SYTL2: variants seen among roughly 807,000 people sequenced by gnomAD.
SYTL2 encodes the protein synaptotagmin-like protein 2.
SYTL2 carries 165 observed loss-of-function variants against 198.7 expected under a neutral mutation model. The observed-to-expected ratio is 0.83, with a 90% confidence interval of 0.73 to 0.94. The LOEUF (loss-of-function observed/expected upper bound fraction) is 0.94. SYTL2 is among the 40% of genes least tolerant of loss of function. The probability of loss-of-function intolerance (pLI) is 0.00; values close to 1 mark genes in which losing one functional copy is unlikely to be tolerated. For missense variants in SYTL2, 2,835 were observed against 2,582.8 expected, an observed-to-expected ratio of 1.10 and a Z score of -2.12; for synonymous variants, 966 against 917.7, an observed-to-expected ratio of 1.05 and a Z score of -0.95.
chr11:85,811,276 C>G (rs577549465), upstream of SYTL2: 1 of 151,576 alleles, frequency 6.6e-6, no homozygotes, highest in Non-Finnish European at 1.5e-5. Context: ...CCGGCCTCCT[C>G]GCCCGGCACA....
intron 2 of SYTL2, among the ~76,000 whole-genome samples, chr11:85,757,085 TG>T (rs1227663880): frequency 6.6e-6 from 1 of 152,164 alleles, no homozygotes; most frequent in Admixed American, 6.5e-5. Flanking sequence ...ACAAGAATAG[TG>T]TATCAAAGTT....
intron 2 of SYTL2, among the ~76,000 whole-genome samples, chr11:85,753,080 G>C (rs2091643161): frequency 6.6e-6 from 1 of 151,476 alleles, no homozygotes; most frequent in Non-Finnish European, 1.5e-5. Flanking sequence ...TGCAGTGCTG[G>C]TGGTGGTGTA....
intron 4 of SYTL2, among the ~76,000 whole-genome samples, chr11:85,740,245 C>G (rs1020112030): frequency 2.1e-4 from 32 of 152,164 alleles, no homozygotes; most frequent in African/African-American, 7.2e-4. Context: ...GGTCAATCTA[C>G]TTACTGCCCC....
the SYTL2 span, among the ~76,000 whole-genome samples, chr11:85,846,673 C>T: frequency 6.8e-6 from 1 of 147,926 alleles, no homozygotes; most frequent in African/African-American, 2.5e-5. Flanking sequence ...GTGATCCACG[C>T]ACCTCAGCCT....
chr11:85,754,912 G>A (rs146327479), intron 2 of SYTL2, among the ~76,000 whole-genome samples: 1 of 152,160 alleles, frequency 6.6e-6, no homozygotes, highest in South Asian at 2.1e-4. Context: ...ACCGGCCCAA[G>A]AGATTTCTCA....
At chr11:85,833,039 G>A in the SYTL2 span, among the ~76,000 whole-genome samples, 1 of 20,872 alleles carries the variant, frequency 4.8e-5, no homozygotes, top group Non-Finnish European at 9.0e-5. Flanking sequence ...AAGAAAGAAA[G>A]AAAGAAAGAA....
At chr11:85,838,483 T>G in the SYTL2 span, among the ~76,000 whole-genome samples, 5 of 152,172 alleles carry the variant, frequency 3.3e-5, no homozygotes, top group Non-Finnish European at 4.4e-5. Flanking sequence ...GCTGCAGGCC[T>G]TACAGGAATC....
intron 1 of SYTL2, among the ~76,000 whole-genome samples, chr11:85,806,563 A>G (rs2092961492): frequency 6.6e-6 from 1 of 152,214 alleles, no homozygotes; most frequent in South Asian, 2.1e-4. Context: ...GAGGTTATAG[A>G]TTAATAATAA....
At chr11:85,813,438 A>G (rs2093057541), upstream of SYTL2, among the ~76,000 whole-genome samples, 2 of 152,206 alleles carry the variant, frequency 1.3e-5, no homozygotes, top group African/African-American at 4.8e-5. Flanking sequence ...TAACACGATC[A>G]TATCAAGTCA....
rs61736736 is a variant in SYTL2 at position 85,727,889 on chromosome 11, G to T, written c.1469C>A (p.Pro490His). ...GSSRDRQQGKPPPLPALKAKT... is the reference protein window; with the variant it reads ...GSSRDRQQGKHPPLPALKAKT... ...AGCTTTTAGAGCCGGGAGAGGAGGG[G>T]GCTTACCTTGCTGACGGTCTCTAGA... The change falls in exon 8 of 20, where the codon CCC becomes CAC. Residue 490 changes from proline to histidine, a missense_variant. Pro to His is a moderately conservative substitution (Grantham distance 77). This residue lies in a region of SYTL2 where 2,645 missense variants were observed against 2,381.7 expected (regional missense o/e 1.11). Transcript: ENST00000359152. The T allele has an allele frequency of 6.2e-7, 1 of 1,613,628 alleles. No homozygotes were observed. Among genetic ancestry groups the T allele is most frequent in the Non-Finnish European group, 8.5e-7 (1 of 1,179,866 alleles).
intron 1 of SYTL2, among the ~76,000 whole-genome samples, chr11:85,804,172 A>G (rs2092927465): frequency 6.6e-6 from 1 of 152,186 alleles, no homozygotes; most frequent in Admixed American, 6.5e-5. Context: ...GAAATACTTA[A>G]ACTTTATTAA....
chr11:85,829,137 A>G, the SYTL2 span, among the ~76,000 whole-genome samples: 1 of 151,698 alleles, frequency 6.6e-6, no homozygotes, highest in Non-Finnish European at 1.5e-5. Context: ...TTATGGGGGT[A>G]TATTATGTGA....
At chr11:85,709,751 C>T (rs1358505911) in intron 13 of SYTL2, among the ~76,000 whole-genome samples, 1 of 152,130 alleles carries the variant, frequency 6.6e-6, no homozygotes, top group African/African-American at 2.4e-5. Context: ...GGCTTGATCT[C>T]GGCTCACTGC....
chr11:85,831,719 T>G, the SYTL2 span, among the ~76,000 whole-genome samples: 32 of 152,286 alleles, frequency 2.1e-4, no homozygotes, highest in East Asian at 6.2e-3. Flanking sequence ...ACATTAAATG[T>G]GTACAATTGT....
chr11:85,835,605 T>G, the SYTL2 span, among the ~76,000 whole-genome samples: 84 of 152,350 alleles, frequency 5.5e-4, no homozygotes, highest in African/African-American at 1.9e-3. Flanking sequence ...TACTCAGATA[T>G]ATCCAATAAT....
At chr11:85,730,407 GC>G (rs1411416081) in intron 7 of SYTL2, among the ~76,000 whole-genome samples, 2 of 152,174 alleles carry the variant, frequency 1.3e-5, no homozygotes, top group Admixed American at 1.3e-4. Flanking sequence ...GATCAAGTCA[GC>G]TTCATCCCTG....
chr11:85,798,715 C>T (rs1365505329), intron 1 of SYTL2, among the ~76,000 whole-genome samples: 2 of 152,198 alleles, frequency 1.3e-5, no homozygotes, highest in African/African-American at 2.4e-5. Context: ...AGGAGTCACA[C>T]TGGACACACA....
At chr11:85,735,496 C>A (rs1192610859) in intron 6 of SYTL2, among the ~76,000 whole-genome samples, 4 of 152,210 alleles carry the variant, frequency 2.6e-5, no homozygotes, top group East Asian at 1.9e-4. Context: ...GTGGCTCACA[C>A]CTGTAATCCC....
intron 17 of SYTL2, among the ~76,000 whole-genome samples, chr11:85,698,880 C>T (rs866156156): frequency 5.3e-5 from 8 of 152,118 alleles, no homozygotes; most frequent in South Asian, 2.1e-4. Flanking sequence ...TATGTACATA[C>T]GTAATAGTTA....
Sources: allele counts gnomAD v4.1 joint callset (sites outside exome capture counted in the v4.1 genomes callset), GRCh38; gene constraint gnomAD v4.1.1; regional missense constraint gnomAD v4.1.1; transcripts MANE v1.5; gene names NCBI Gene and HGNC (gene_info 2026-07-23, HGNC 2026-07-21).